EEFSEC: variants seen among roughly 807,000 people sequenced by gnomAD.
EEFSEC encodes selenocysteine-specific elongation factor.
A neutral mutation model predicts 42.1 loss-of-function variants in EEFSEC; 43 were observed. The observed-to-expected ratio is 1.02, with a 90% CI of 0.80 to 1.32. The LOEUF is 1.32. Ranked by LOEUF, EEFSEC falls within the 40% of genes most tolerant of loss-of-function variation. The probability of loss-of-function intolerance (pLI) is 0.00; values close to 1 mark genes in which losing one functional copy is unlikely to be tolerated. For synonymous variants in EEFSEC, 354 were observed against 339.1 expected, an observed-to-expected ratio of 1.04 and a Z score of -0.48; for missense variants, 745 against 803.6, an observed-to-expected ratio of 0.93 and a Z score of 0.88.
intron 4 of EEFSEC, among the ~76,000 whole-genome samples, chr3:128,329,423 C>T (rs2067101815): frequency 6.6e-6 from 1 of 151,646 alleles, no homozygotes; most frequent in Non-Finnish European, 1.5e-5. Context: ...CCCCCCCCCA[C>T]CCCCGCTGAT....
intron 1 of EEFSEC, among the ~76,000 whole-genome samples, chr3:128,228,062 C>T (rs1430855020): frequency 2.6e-5 from 4 of 152,184 alleles, no homozygotes; most frequent in African/African-American, 9.6e-5. Context: ...TTAATTGTTG[C>T]TGGAGGGGGT....
chr3:128,390,429 T>C (rs1036458625), intron 6 of EEFSEC, among the ~76,000 whole-genome samples: 8 of 151,814 alleles, frequency 5.3e-5, no homozygotes, highest in South Asian at 2.1e-4. Context: ...TTTTGGGAGG[T>C]AGAGGGGGTT....
At chr3:128,162,791 G>A (rs970429728) in intron 1 of EEFSEC, among the ~76,000 whole-genome samples, 10 of 152,152 alleles carry the variant, frequency 6.6e-5, no homozygotes, top group Admixed American at 2.6e-4. Context: ...AGAAAATAAT[G>A]CAAAGACTCT....
chr3:128,195,178 G>A (rs182193379), intron 1 of EEFSEC, among the ~76,000 whole-genome samples: 1 of 152,130 alleles, frequency 6.6e-6, no homozygotes, highest in Admixed American at 6.5e-5. Context: ...TTCAAATTTA[G>A]GGCCCAGGCT....
intron 1 of EEFSEC, among the ~76,000 whole-genome samples, chr3:128,159,610 TGATCCCATCAAC>T (rs536010381): frequency 2.0e-3 from 311 of 152,322 alleles, no homozygotes; most frequent in Non-Finnish European, 3.3e-3. Flanking sequence ...TGCTTTCCTC[TGATCCCATCAAC>T]GATCCCATCA....
intron 2 of EEFSEC, 104 bp from the exon 3 acceptor site, chr3:128,262,024 A>G (rs1373606168): frequency 9.9e-7 from 1 of 1,006,510 alleles, no homozygotes; most frequent in African/African-American, 1.6e-5. Flanking sequence ...GGGAGAGAAG[A>G]GGATGCTCAC....
At chr3:128,238,947 G>A (rs1037755488) in intron 1 of EEFSEC, among the ~76,000 whole-genome samples, 1 of 152,238 alleles carries the variant, frequency 6.6e-6, no homozygotes, top group African/African-American at 2.4e-5. Context: ...AGAAGCCAGG[G>A]TTTGACTCTT....
chr3:128,364,797 C>G (rs1414179966), intron 6 of EEFSEC, among the ~76,000 whole-genome samples: 2 of 152,202 alleles, frequency 1.3e-5, no homozygotes, highest in East Asian at 3.9e-4. Context: ...CAAACCCTGT[C>G]CCGGAGCTGC....
At chr3:128,285,103 G>C (rs1019353126) in intron 4 of EEFSEC, among the ~76,000 whole-genome samples, 1 of 152,052 alleles carries the variant, frequency 6.6e-6, no homozygotes, top group African/African-American at 2.4e-5. Context: ...GAGAGTGGGA[G>C]AGAACAGGCT....
chr3:128,175,849 G>A lies in EEFSEC; in HGVS notation c.316+22026G>A, dbSNP rs72985519. Among the ~76,000 whole-genome samples, 70 of 152,318 alleles carry A rather than the reference G, an allele frequency of 4.6e-4. 1 individual carries two copies. The highest frequency in any genetic ancestry group is 1.6e-3 in the African/African-American group (68 of 41,578). On this transcript the variant is annotated intron_variant, in intron 1 of 6. Transcript: ENST00000254730. ...CACCCTGTCCTTCGGTTAGAGGTTT[G>A]TGACACCCATAGCTGTGCTCAGTTA...
chr3:128,160,370 G>C (rs1208904733), intron 1 of EEFSEC, among the ~76,000 whole-genome samples: 1 of 152,236 alleles, frequency 6.6e-6, no homozygotes, highest in Admixed American at 6.5e-5. Flanking sequence ...TTTAGGCATG[G>C]CTGGAAATCG....
chr3:128,246,911 T>C lies in EEFSEC; in HGVS notation c.392T>C (p.Leu131Pro), dbSNP rs569634798. 4 of 1,614,220 alleles carry C rather than the reference T, an allele frequency of 2.5e-6. No individual in the cohort carries two copies. The highest frequency in any genetic ancestry group is 2.5e-6 in the Non-Finnish European group (3 of 1,180,038). The change falls in exon 2 of 7, where the codon CTT becomes CCT. Residue 131 changes from leucine to proline, a missense_variant. Physicochemically the swap from Leu to Pro is moderately conservative, Grantham distance 98. Transcript: ENST00000254730. ...KGMQTQSAECLVIGQIACQKL... is the reference protein window; with the variant it reads ...KGMQTQSAECPVIGQIACQKL... ...ATGCAGACCCAGTCAGCGGAATGCC[T>C]TGTGATCGGCCAGATTGCCTGCCAG...
intron 4 of EEFSEC, among the ~76,000 whole-genome samples, chr3:128,301,838 G>A (rs2066772655): frequency 6.6e-6 from 1 of 152,086 alleles, no homozygotes; most frequent in Non-Finnish European, 1.5e-5. Flanking sequence ...AGCAGTTCCT[G>A]GGAGAAAGAA....
chr3:128,328,427 G>T (rs752416067), intron 4 of EEFSEC, among the ~76,000 whole-genome samples: 1 of 152,222 alleles, frequency 6.6e-6, no homozygotes, highest in Non-Finnish European at 1.5e-5. Flanking sequence ...TGAGGTGTGG[G>T]GTGCAAATTA....
chr3:128,347,262 G>GAA (rs910870590), intron 5 of EEFSEC, among the ~76,000 whole-genome samples: 5 of 138,216 alleles, frequency 3.6e-5, no homozygotes. Context: ...GGTTAATGAA[G>GAA]AAAAAAAAAA....
downstream of EEFSEC, among the ~76,000 whole-genome samples, chr3:128,411,026 A>G (rs1270129765): frequency 2.0e-5 from 3 of 152,140 alleles, no homozygotes; most frequent in Non-Finnish European, 4.4e-5. Context: ...GTGGCCTGAA[A>G]ACGCCCAGCC....
intron 6 of EEFSEC, among the ~76,000 whole-genome samples, chr3:128,365,073 C>T (rs1170423360): frequency 6.6e-6 from 1 of 152,224 alleles, no homozygotes; most frequent in Non-Finnish European, 1.5e-5. Context: ...GCTGGTAGCC[C>T]GTGGCCCCTG....
chr3:128,348,481 A>G (rs1389007307), intron 5 of EEFSEC, among the ~76,000 whole-genome samples: 2 of 152,226 alleles, frequency 1.3e-5, no homozygotes, highest in South Asian at 2.1e-4. Context: ...TGTCTTTAAC[A>G]GTCCTCTATT....
the EEFSEC span, among the ~76,000 whole-genome samples, chr3:128,420,921 C>T: frequency 2.6e-5 from 4 of 152,178 alleles, no homozygotes; most frequent in Non-Finnish European, 4.4e-5. Flanking sequence ...GCCCTTGCAC[C>T]TGTCCGGGAC....
Sources: gnomAD v4.1 joint callset for allele counts (sites outside exome capture counted in the v4.1 genomes callset) on GRCh38, gnomAD v4.1.1 for gene constraint, MANE v1.5 for transcripts, NCBI Gene and HGNC (gene_info 2026-07-23, HGNC 2026-07-21) for gene names.